The following KIAA1217 variants were observed in gnomAD, a reference collection of about 807,000 sequenced individuals.
KIAA1217 encodes the protein KIAA1217, also known as sickle tail protein homolog.
In KIAA1217, 88 loss-of-function variants were observed where a neutral mutation model predicts 163.9. The ratio of observed to expected loss-of-function variants is 0.54; its 90% CI spans 0.45 to 0.64. The LOEUF is 0.64. Ranked by LOEUF, KIAA1217 falls within the 30% of genes least tolerant of loss-of-function variation. KIAA1217 has a pLI of 0.00. For missense variants in KIAA1217, 2,372 were observed against 2,475.0 expected (o/e 0.96, Z 0.88); for synonymous variants, 903 against 923.1 (o/e 0.98, Z 0.39).
rs1274126927 is a variant in KIAA1217 at position 23,761,704 on chromosome 10, G to A, written c.-321+66470G>A. 3.3e-5 allele frequency among the ~76,000 whole-genome samples: 5 copies of A among 152,114 alleles called. No individual in the cohort carries two copies. The East Asian group carries it at 9.6e-4, about 29-fold the overall frequency. On this transcript the variant is annotated intron_variant, in intron 1 of 18. Coordinates refer to the KIAA1217 transcript ENST00000376462. Reference sequence around the variant, plus strand: ...TGGTCGATTTTAGAATAATTGCCACGTGGCACTGAAAAGAATGTATATTCT... The same window carrying A: ...TGGTCGATTTTAGAATAATTGCCACATGGCACTGAAAAGAATGTATATTCT...
chr10:24,536,448 A>G (rs2074026910), intron 16 of KIAA1217, among the ~76,000 whole-genome samples: 1 of 152,226 alleles, frequency 6.6e-6, no homozygotes, highest in African/African-American at 2.4e-5. Flanking sequence ...TTACATATTG[A>G]GCATTTTTTA....
At chr10:23,775,743 G>C (rs543615296) in intron 1 of KIAA1217, among the ~76,000 whole-genome samples, 1 of 152,184 alleles carries the variant, frequency 6.6e-6, no homozygotes, top group African/African-American at 2.4e-5. Context: ...GAGGCTTCTG[G>C]GTAATTAAAT....
rs908866959 is a variant in KIAA1217, at chr10:24,219,999, G to T, written c.354+90G>T. The T allele has an allele frequency of 2.2e-6, 3 of 1,364,856 alleles. No homozygotes were observed. In the African/African-American group the frequency reaches 4.4e-5, roughly 20 times the overall value. 84.5% of individuals were successfully genotyped at this position (1,364,856 alleles called of 1,614,324 possible). A position where few individuals can be genotyped will look rare whatever the true frequency, so the allele number is the denominator to read the frequency against. ...CTTACTTTCTTTGTAAAAGGTAAAGGATAGCTTAGTGGACTGTGCATACTA... is the reference window on the plus strand; with the variant it reads ...CTTACTTTCTTTGTAAAAGGTAAAGTATAGCTTAGTGGACTGTGCATACTA... On this transcript the variant is annotated intron_variant, in intron 2 of 20. Transcript: ENST00000376454.
At chr10:24,472,130 G>A (rs186473879) in intron 5 of KIAA1217, among the ~76,000 whole-genome samples, 1 of 152,224 alleles carries the variant, frequency 6.6e-6, no homozygotes, top group Admixed American at 6.5e-5. Context: ...AAGTGGAAGT[G>A]GATCATCATA....
intron 1 of KIAA1217, among the ~76,000 whole-genome samples, chr10:23,798,279 G>A (rs762773463): frequency 1.3e-5 from 2 of 152,060 alleles, no homozygotes; most frequent in South Asian, 2.1e-4. Flanking sequence ...GCAATATCAC[G>A]GAATTTCTGT....
Position 24,219,737 on chromosome 10 carries a change from G to A in KIAA1217, c.182G>A (p.Arg61His), listed in dbSNP as rs775695112. 19 of 1,613,786 alleles carry A rather than the reference G, an allele frequency of 1.2e-5. No homozygotes were observed. The highest frequency in any genetic ancestry group is 1.6e-4 in the Middle Eastern group (1 of 6,084). ...CGTGGTTCAGTTTCCAAGTCTTCCC[G>A]CAATATCCCAAGGAGACACACCCTA... Reference protein sequence around the residue: ...NSRGSVSKSSRNIPRRHTLGG... With the variant: ...NSRGSVSKSSHNIPRRHTLGG... The change falls in exon 2 of 21, where the codon CGC (arginine) becomes CAC (histidine). Residue 61 changes from arginine (R) to histidine (H), a missense_variant. By Grantham distance (29) the Arg-to-His change is conservative. Transcript: ENST00000376454.
Position 24,543,822 on chromosome 10 carries a change from GA to G in KIAA1217, c.4555del (p.Thr1519GlnfsTer20), listed in dbSNP as rs1479378240. 1 of 1,613,964 alleles carries G rather than the reference GA, an allele frequency of 6.2e-7. No homozygotes were observed. Among genetic ancestry groups the G allele is most frequent in the South Asian group, 1.1e-5 (1 of 91,058 alleles). ...CAATCTTAGAACCGGACAACAGGTG[GA>G]AACAAAGTCACAGCCACACTCCCTG... ...PGNLRTGQQV[E>X]TKSQPHSLAT... is the part of the protein sequence containing the mutation. On this transcript the variant is annotated frameshift_variant, in exon 19 of 21. Transcript: ENST00000376454. LOFTEE classifies it high-confidence loss of function.
At chr10:23,823,716 G>T (rs1374895723) in intron 1 of KIAA1217, among the ~76,000 whole-genome samples, 4 of 152,054 alleles carry the variant, frequency 2.6e-5, no homozygotes, top group African/African-American at 4.8e-5. Context: ...AGAAAACAAA[G>T]AATATAAAAG....
chr10:24,312,310 A>T (rs922141096), intron 2 of KIAA1217, among the ~76,000 whole-genome samples: 70 of 127,146 alleles, frequency 5.5e-4, no homozygotes, highest in East Asian at 5.2e-3. Context: ...TCATAGATTT[A>T]AAAAAAAAAA....
chr10:24,408,366 A>G (rs888605798), intron 3 of KIAA1217, among the ~76,000 whole-genome samples: 4 of 151,826 alleles, frequency 2.6e-5, no homozygotes, highest in Non-Finnish European at 5.9e-5. Context: ...TACATCCCCT[A>G]CTCCTAATCC....
intron 1 of KIAA1217, among the ~76,000 whole-genome samples, chr10:23,771,956 G>A (rs949635634): frequency 1.3e-5 from 2 of 152,106 alleles, no homozygotes; most frequent in Non-Finnish European, 2.9e-5. Context: ...TGTAAAGCTT[G>A]GCAGTGAACC....
chr10:23,859,294 G>T (rs886382554), intron 1 of KIAA1217, among the ~76,000 whole-genome samples: 3 of 152,126 alleles, frequency 2.0e-5, no homozygotes, highest in African/African-American at 7.2e-5. Flanking sequence ...AGTGCTTCTG[G>T]GATCTCTTTG....
At chr10:24,339,506 G>A (rs1205750315) in intron 2 of KIAA1217, among the ~76,000 whole-genome samples, 1 of 152,196 alleles carries the variant, frequency 6.6e-6, no homozygotes, top group Non-Finnish European at 1.5e-5. Context: ...TGAATTACTA[G>A]GTTCAGAAGC....
chr10:24,207,282 T>TCACACA (rs71397934), upstream of KIAA1217, among the ~76,000 whole-genome samples: 614 of 140,228 alleles, frequency 4.4e-3, 1 homozygote, highest in South Asian at 7.9e-3. Context: ...TCTCTCTCTC[T>TCACACA]CACACACACA....
chr10:24,546,527 C>G lies in KIAA1217; in HGVS notation c.*203C>G, dbSNP rs1179881347. On this transcript the variant is annotated 3_prime_UTR_variant, in exon 21 of 21. Transcript: ENST00000376454. ...TCTTTTTACCTAGTTGCTATAGTGT[C>G]TACAGTCTATACTCAATACCTATAA... The G allele has an allele frequency of 1.4e-5, 8 of 591,610 alleles. No homozygotes were observed. In the Admixed American group the frequency reaches 2.7e-4, roughly 20 times the overall value. The allele number at this position is 591,610 out of a possible 1,614,324, so 36.6% of individuals were successfully genotyped here.
chr10:24,301,771 G>A (rs369712332), intron 2 of KIAA1217, among the ~76,000 whole-genome samples: 245 of 152,258 alleles, frequency 1.6e-3, no homozygotes, highest in African/African-American at 5.6e-3. Flanking sequence ...TTGGCCAGGC[G>A]CAGTGGCTCA....
chr10:24,118,340 A>G lies in KIAA1217; in HGVS notation c.-170-101286A>G, dbSNP rs529637608. ...CGGTGGAGTTATTGCAGGATGACAG[A>G]GTTCTCTGTAGCGCAGAGACAGCAT... On this transcript the variant is annotated intron_variant, in intron 2 of 18. Coordinates refer to the KIAA1217 transcript ENST00000376462. Among the ~76,000 whole-genome samples the G allele has an allele frequency of 2.0e-5, 3 of 152,212 alleles. No individual in the cohort carries two copies. In the South Asian group the frequency reaches 6.2e-4, roughly 32 times the overall value.
intron 1 of KIAA1217, among the ~76,000 whole-genome samples, chr10:23,761,089 A>G (rs182841690): frequency 4.7e-3 from 709 of 152,196 alleles, no homozygotes; most frequent in Non-Finnish European, 8.1e-3. Context: ...ATCTCTACAA[A>G]AAAAAATTAA....
At chr10:24,319,941 A>G (rs2043922862) in intron 2 of KIAA1217, among the ~76,000 whole-genome samples, 1 of 152,216 alleles carries the variant, frequency 6.6e-6, no homozygotes, top group African/African-American at 2.4e-5. Context: ...TCCATGAGAT[A>G]ACTAAAACCC....
Sources: allele counts gnomAD v4.1 joint callset (sites outside exome capture counted in the v4.1 genomes callset), GRCh38; gene constraint gnomAD v4.1.1; transcripts MANE v1.5; gene names NCBI Gene and HGNC (gene_info 2026-07-23, HGNC 2026-07-21).